The following RIC8B variants were observed in gnomAD, a reference collection of about 807,000 sequenced individuals.
The protein encoded by RIC8B is chaperone Ric-8B.
RIC8B carries 16 observed loss-of-function variants against 57.5 expected under a neutral mutation model. That is an observed-to-expected ratio of 0.28 (90% CI 0.19 to 0.42). The LOEUF is 0.42. Among genes scored for constraint, RIC8B ranks in the 10% least tolerant of loss-of-function variants. The pLI is 1.00. For synonymous variants in RIC8B, 216 were observed against 250.8 expected (o/e 0.86, Z 1.31); for missense variants, 481 against 677.0 (o/e 0.71, Z 3.21).
intron 6 of RIC8B, among the ~76,000 whole-genome samples, chr12:106,846,723 C>CAAAAAAA (rs35399211): frequency 8.3e-6 from 1 of 120,538 alleles, no homozygotes; most frequent in Non-Finnish European, 1.8e-5. Context: ...ACAGAACAGC[C>CAAAAAAA]AAAAAAAAAA....
At chr12:106,849,481 C>CA (rs895501308) in intron 6 of RIC8B, among the ~76,000 whole-genome samples, 17 of 146,346 alleles carry the variant, frequency 1.2e-4, no homozygotes, top group East Asian at 4.0e-4. Flanking sequence ...AAAAAAACTA[C>CA]AAAAAAAAAT....
At chr12:106,864,225 C>T (rs1348966519) in intron 8 of RIC8B, among the ~76,000 whole-genome samples, 1 of 152,040 alleles carries the variant, frequency 6.6e-6, no homozygotes, top group Non-Finnish European at 1.5e-5. Context: ...GAATTTAAAG[C>T]ACACGCCACA....
intron 8 of RIC8B, among the ~76,000 whole-genome samples, chr12:106,863,131 T>G (rs898177279): frequency 2.0e-5 from 3 of 152,180 alleles, no homozygotes; most frequent in African/African-American, 7.2e-5. Flanking sequence ...TACATTATTC[T>G]AGACATCAAC....
chr12:106,801,851 A>G (rs903315576), intron 2 of RIC8B, among the ~76,000 whole-genome samples: 4 of 152,238 alleles, frequency 2.6e-5, no homozygotes, highest in African/African-American at 9.6e-5. Flanking sequence ...CTACAGTTAT[A>G]GTAAGCTTAT....
chr12:106,785,928 T>C (rs2043999408), intron 2 of RIC8B, among the ~76,000 whole-genome samples: 1 of 151,582 alleles, frequency 6.6e-6, no homozygotes, highest in Admixed American at 6.6e-5. Context: ...TATAGTCCCC[T>C]GTAACACTCC....
At chr12:106,870,231 G>A (rs1235263522) in intron 8 of RIC8B, among the ~76,000 whole-genome samples, 1 of 152,090 alleles carries the variant, frequency 6.6e-6, no homozygotes, top group African/African-American at 2.4e-5. Context: ...TGGTAGGCTA[G>A]ATTTCATCCC....
chr12:106,885,623 C>T (rs993184428), intron 9 of RIC8B, among the ~76,000 whole-genome samples: 11 of 151,732 alleles, frequency 7.2e-5, no homozygotes, highest in African/African-American at 2.7e-4. Context: ...GAGACCTGCT[C>T]CTTGTCCTGA....
intron 7 of RIC8B, among the ~76,000 whole-genome samples, chr12:106,857,429 CTA>C (rs1949755927): frequency 6.6e-6 from 1 of 152,170 alleles, no homozygotes; most frequent in Non-Finnish European, 1.5e-5. Flanking sequence ...GTGTAACTGT[CTA>C]TGTTATTACC....
intron 7 of RIC8B, among the ~76,000 whole-genome samples, chr12:106,856,869 C>A (rs1461779809): frequency 6.6e-6 from 1 of 152,102 alleles, no homozygotes; most frequent in African/African-American, 2.4e-5. Flanking sequence ...TTTCAGTACA[C>A]TATGATAAGT....
At position 106,814,898 on chromosome 12, in the gene RIC8B, C is replaced by T. The variant is rs2045502750; in HGVS notation, c.335C>T (p.Pro112Leu). ...TCTTTGGAGAAAGTATCAGAGTTCCCAGTTATTGTGGAGTCATTAAAATGT... is the reference window on the plus strand; with the variant it reads ...TCTTTGGAGAAAGTATCAGAGTTCCTAGTTATTGTGGAGTCATTAAAATGT... The part of the protein sequence containing the change: ...DDSLEKVSEF[P>L]VIVESLKCLC... Residue 112 changes from proline to leucine, a missense_variant, in exon 3 of 10, where the codon CCA (proline) becomes CTA (leucine). Pro to Leu is a moderately conservative substitution (Grantham distance 98). Coordinates refer to ENST00000392837, the MANE Select transcript of RIC8B (RefSeq NM_001330145.2). 1 of 1,614,128 alleles carries T rather than the reference C, an allele frequency of 6.2e-7. No individual in the cohort carries two copies. Among genetic ancestry groups the T allele is most frequent in the Non-Finnish European group, 8.5e-7 (1 of 1,180,014 alleles).
At chr12:106,861,380 TTGTCAGAAGG>T (rs928847510) in intron 8 of RIC8B, among the ~76,000 whole-genome samples, 2 of 151,970 alleles carry the variant, frequency 1.3e-5, no homozygotes, top group African/African-American at 4.8e-5. Context: ...AAGTAATGGG[TTGTCAGAAGG>T]TGAAAGAAAT....
At chr12:106,824,116 T>C (rs73200057) in intron 3 of RIC8B, among the ~76,000 whole-genome samples, 3,391 of 152,334 alleles carry the variant, frequency 0.022, 63 homozygotes, top group Non-Finnish European at 0.031. Flanking sequence ...CCCCCTACAA[T>C]GATTTATCAT....
intron 3 of RIC8B, among the ~76,000 whole-genome samples, chr12:106,817,667 T>A (rs1389358309): frequency 3.3e-5 from 5 of 149,730 alleles, no homozygotes; most frequent in Non-Finnish European, 7.4e-5. Flanking sequence ...AAAAAAAAAA[T>A]ACAAAAAATT....
chr12:106,856,291 C>A (rs991477187), intron 7 of RIC8B, among the ~76,000 whole-genome samples: 2 of 152,138 alleles, frequency 1.3e-5, no homozygotes, highest in African/African-American at 2.4e-5. Context: ...ATAATCTTGT[C>A]ATTCCCCTCA....
Position 106,870,867 on chromosome 12 carries a change from C to A in RIC8B, c.1496C>A (p.Pro499His). 2 of 1,545,190 alleles carry A rather than the reference C, an allele frequency of 1.3e-6. No homozygotes were observed. The highest frequency in any genetic ancestry group is 1.2e-5 in the South Asian group (1 of 83,032). ...CATTTAGAGGAACCAATGCCAAACC[C>A]CATAGATGAAATGACAGAAGAACAA... ...TGHLEEPMPN[P>H]IDEMTEEQKE... Residue 499 changes from proline (P) to histidine (H), a missense_variant, in exon 9 of 10, where the codon CCC (proline) becomes CAC (histidine). Physicochemically the swap from Pro to His is moderately conservative, Grantham distance 77. This residue lies in a region of RIC8B where 43 missense variants were observed against 99.8 expected (regional missense o/e 0.43). Coordinates refer to ENST00000392837, the MANE Select transcript of RIC8B (RefSeq NM_001330145.2).
chr12:106,784,671 G>T (rs2043922619), intron 2 of RIC8B, among the ~76,000 whole-genome samples: 1 of 152,160 alleles, frequency 6.6e-6, no homozygotes, highest in Admixed American at 6.5e-5. Flanking sequence ...CCCTGCCTTT[G>T]TGTCTTGCTG....
intron 2 of RIC8B, among the ~76,000 whole-genome samples, chr12:106,796,983 C>G (rs937530547): frequency 3.3e-5 from 5 of 152,062 alleles, no homozygotes; most frequent in African/African-American, 1.2e-4. Context: ...CAATTCATAC[C>G]CACTAGGATG....
intron 2 of RIC8B, among the ~76,000 whole-genome samples, chr12:106,807,129 G>A (rs762052180): frequency 4.6e-5 from 7 of 152,072 alleles, no homozygotes; most frequent in Non-Finnish European, 1.0e-4. Context: ...CTCCCTCTCC[G>A]CTGCTACCAC....
chr12:106,819,793 T>C (rs1440251381), intron 3 of RIC8B, among the ~76,000 whole-genome samples: 1 of 147,832 alleles, frequency 6.8e-6, no homozygotes, highest in Non-Finnish European at 1.5e-5. Flanking sequence ...TATATAAGTA[T>C]ATATAAAATA....
Sources: gnomAD v4.1 joint callset for allele counts (sites outside exome capture counted in the v4.1 genomes callset) on GRCh38, gnomAD v4.1.1 for gene constraint, gnomAD v4.1.1 regional missense constraint, MANE v1.5 for transcripts, NCBI Gene and HGNC (gene_info 2026-07-23, HGNC 2026-07-21) for gene names.